Variants in SH3GL3 observed in about 807,000 individuals in gnomAD.
SH3GL3 encodes SH3 domain containing GRB2 like 3, endophilin A3, also known as endophilin-A3.
In SH3GL3, 33 loss-of-function variants were observed where a neutral mutation model predicts 47.7. That is an observed-to-expected ratio of 0.69 (90% CI 0.52 to 0.92). The LOEUF is 0.92. SH3GL3 is among the 40% of genes least tolerant of loss of function. The pLI is 0.00. For synonymous variants in SH3GL3, 155 were observed against 148.8 expected, an observed-to-expected ratio of 1.04 and a Z score of -0.30; for missense variants, 363 against 417.8, an observed-to-expected ratio of 0.87 and a Z score of 1.14.
intron 1 of SH3GL3, among the ~76,000 whole-genome samples, chr15:83,450,259 T>C (rs981070436): frequency 6.6e-6 from 1 of 152,228 alleles, no homozygotes; most frequent in African/African-American, 2.4e-5. Flanking sequence ...GAGAATTGTA[T>C]GGTATGTGAA....
At chr15:83,474,542 G>A (rs924090794) in intron 1 of SH3GL3, among the ~76,000 whole-genome samples, 1 of 151,922 alleles carries the variant, frequency 6.6e-6, no homozygotes, top group Non-Finnish European at 1.5e-5. Context: ...TCTTAGGTAA[G>A]CGTATATTGC....
chr15:83,463,177 C>G (rs1369881042), intron 1 of SH3GL3, among the ~76,000 whole-genome samples: 1 of 152,190 alleles, frequency 6.6e-6, no homozygotes, highest in Non-Finnish European at 1.5e-5. Context: ...TCACATATCT[C>G]ATTCTTTTCA....
At chr15:83,482,904 C>T (rs1369655322) in intron 1 of SH3GL3, among the ~76,000 whole-genome samples, 1 of 152,178 alleles carries the variant, frequency 6.6e-6, no homozygotes, top group Admixed American at 6.5e-5. Flanking sequence ...TTAATGTGAA[C>T]AGTTCCGTTC....
At chr15:83,557,609 C>T (rs1268233889) in intron 1 of SH3GL3, among the ~76,000 whole-genome samples, 2 of 152,212 alleles carry the variant, frequency 1.3e-5, no homozygotes, top group East Asian at 1.9e-4. Context: ...TGCAGGTCAG[C>T]TGGGTGGCTC....
chr15:83,603,941 C>T (rs1424044797), intron 8 of SH3GL3, among the ~76,000 whole-genome samples: 1 of 152,136 alleles, frequency 6.6e-6, no homozygotes, highest in Non-Finnish European at 1.5e-5. Context: ...TTGAGACCAG[C>T]CTGACCAACA....
intron 1 of SH3GL3, among the ~76,000 whole-genome samples, chr15:83,503,213 T>G (rs978278176): frequency 2.6e-5 from 4 of 152,156 alleles, no homozygotes; most frequent in African/African-American, 4.8e-5. Context: ...AAAACTGTTA[T>G]CCACATCTCA....
At chr15:83,593,947 T>C (rs1223623832) in intron 8 of SH3GL3, among the ~76,000 whole-genome samples, 1 of 152,100 alleles carries the variant, frequency 6.6e-6, no homozygotes, top group African/African-American at 2.4e-5. Flanking sequence ...GCCTCCCACA[T>C]AGCTGGGACT....
chr15:83,557,180 C>CA (rs1160224177), intron 1 of SH3GL3, among the ~76,000 whole-genome samples: 1 of 152,194 alleles, frequency 6.6e-6, no homozygotes, highest in Non-Finnish European at 1.5e-5. Flanking sequence ...GTGGAGGTGC[C>CA]ACTCCCCACC....
At chr15:83,568,781 A>G (rs530207559) in intron 4 of SH3GL3, 109 bp downstream of exon 4, 6 of 718,586 alleles carry the variant, frequency 8.3e-6, no homozygotes, top group African/African-American at 1.8e-5. Context: ...CCATATTACC[A>G]AAGTAATACA....
At chr15:83,542,525 G>C (rs1367015882) in intron 1 of SH3GL3, among the ~76,000 whole-genome samples, 1 of 152,158 alleles carries the variant, frequency 6.6e-6, no homozygotes, top group East Asian at 1.9e-4. Context: ...TTGGTAGTTT[G>C]ATAAAAGTTG....
intron 3 of SH3GL3, among the ~76,000 whole-genome samples, chr15:83,567,776 G>T (rs2045621702): frequency 6.6e-6 from 1 of 152,036 alleles, no homozygotes; most frequent in Non-Finnish European, 1.5e-5. Flanking sequence ...ATCCTCCTCG[G>T]CAATTCTATT....
intron 1 of SH3GL3, among the ~76,000 whole-genome samples, chr15:83,481,894 GA>G (rs1447438614): frequency 6.6e-6 from 1 of 152,210 alleles, no homozygotes; most frequent in Non-Finnish European, 1.5e-5. Flanking sequence ...GAGAGGCATT[GA>G]AATCTGTTGT....
At position 83,588,761 on chromosome 15, in the gene SH3GL3, G is replaced by A. The variant is rs370391941; in HGVS notation, c.828G>A (p.Val276=). ...ELNGVSTTSV[V]KTTGSNIPMD... is the part of the protein sequence containing the mutation. ...ATGGAGTTTCCACCACCTCTGTAGT[G>A]AAGACGACAGGTAAGTTGACCATTC... Residue 276 remains valine (V), a synonymous_variant, in exon 8 of 9, where the codon GTG becomes GTA. Transcript: ENST00000427482. 1.3e-5 allele frequency: 21 copies of A among 1,569,308 alleles called. No individual in the cohort carries two copies. Among genetic ancestry groups the A allele is most frequent in the Non-Finnish European group, 1.8e-5 (21 of 1,139,178 alleles).
intron 1 of SH3GL3, among the ~76,000 whole-genome samples, chr15:83,481,274 CAAA>C (rs5814148): frequency 2.4e-4 from 28 of 116,148 alleles, no homozygotes; most frequent in Non-Finnish European, 2.2e-4. Flanking sequence ...CATTCTGTCT[CAAA>C]AAAAAAAAAA....
chr15:83,573,398 G>C (rs1268210723), intron 5 of SH3GL3, among the ~76,000 whole-genome samples: 1 of 152,188 alleles, frequency 6.6e-6, no homozygotes, highest in Non-Finnish European at 1.5e-5. Context: ...CTCAAAGTGT[G>C]GTCCCTGGAC....
intron 1 of SH3GL3, among the ~76,000 whole-genome samples, chr15:83,543,877 C>G (rs548957452): frequency 6.6e-5 from 10 of 151,730 alleles, no homozygotes; most frequent in Non-Finnish European, 1.2e-4. Context: ...CTTCTTCATC[C>G]CTGATTTTAT....
chr15:83,461,409 A>G (rs2040293064), intron 1 of SH3GL3, among the ~76,000 whole-genome samples: 1 of 152,202 alleles, frequency 6.6e-6, no homozygotes, highest in East Asian at 1.9e-4. Context: ...TAAACTGATA[A>G]TGGATTATAA....
intron 1 of SH3GL3, among the ~76,000 whole-genome samples, chr15:83,496,088 G>C (rs1040900987): frequency 1.3e-5 from 2 of 152,170 alleles, no homozygotes; most frequent in African/African-American, 4.8e-5. Context: ...GCCAGGTGCA[G>C]TAGCTCATGC....
chr15:83,536,815 C>T (rs1237176715), intron 1 of SH3GL3, among the ~76,000 whole-genome samples: 1 of 152,142 alleles, frequency 6.6e-6, no homozygotes, highest in Non-Finnish European at 1.5e-5. Context: ...ATGAAATCGT[C>T]TCAAATTTTC....
Sources: gnomAD v4.1 joint callset for allele counts (sites outside exome capture counted in the v4.1 genomes callset) on GRCh38, gnomAD v4.1.1 for gene constraint, MANE v1.5 for transcripts, NCBI Gene and HGNC (gene_info 2026-07-23, HGNC 2026-07-21) for gene names.